MIB1: variants seen among roughly 807,000 people sequenced by gnomAD.
MIB1 encodes the protein MIB E3 ubiquitin protein ligase 1.
Under a neutral mutation model 124.5 loss-of-function variants are expected in MIB1, and 278 were observed. The observed-to-expected ratio is 2.23, with a 90% CI of 2.02 to 2.47. MIB1 has a LOEUF of 2.47. Ranked by LOEUF, MIB1 falls within the 30% of genes most tolerant of loss-of-function variation. The pLI is 0.00. For missense variants in MIB1, 957 were observed against 1,254.4 expected, an observed-to-expected ratio of 0.76 and a Z score of 3.58; for synonymous variants, 446 against 429.4, an observed-to-expected ratio of 1.04 and a Z score of -0.48.
At chr18:21,758,437 A>C (rs932847983) in intron 1 of MIB1, among the ~76,000 whole-genome samples, 14 of 152,208 alleles carry the variant, frequency 9.2e-5, no homozygotes, top group South Asian at 8.3e-4. Context: ...ATTTGCGGTT[A>C]AAGTTGAATG....
chr18:21,732,220 A>G (rs1041633036), intron 1 of MIB1, among the ~76,000 whole-genome samples: 3 of 151,642 alleles, frequency 2.0e-5, no homozygotes, highest in Admixed American at 2.0e-4. Context: ...CCCAGCTACT[A>G]GGGAGGCTGA....
At chr18:21,762,050 A>G (rs1013236106) in intron 1 of MIB1, among the ~76,000 whole-genome samples, 9 of 152,158 alleles carry the variant, frequency 5.9e-5, no homozygotes, top group Admixed American at 2.0e-4. Flanking sequence ...TAAGTGTGTT[A>G]TTAATTTTAT....
intron 8 of MIB1, 93 bp downstream of exon 8, chr18:21,798,321 A>G (rs1229149196): frequency 3.2e-6 from 4 of 1,257,284 alleles, no homozygotes; most frequent in Non-Finnish European, 3.4e-6. Context: ...AATGTTGTAC[A>G]TGTGCTTGGC....
intron 1 of MIB1, among the ~76,000 whole-genome samples, chr18:21,747,519 C>T (rs138714966): frequency 2.6e-5 from 4 of 152,274 alleles, no homozygotes; most frequent in East Asian, 1.9e-4. Context: ...AGATGCCCTG[C>T]GTTTCTGTTT....
At chr18:21,725,381 G>A (rs1177618557) in intron 1 of MIB1, among the ~76,000 whole-genome samples, 1 of 152,158 alleles carries the variant, frequency 6.6e-6, no homozygotes, top group Non-Finnish European at 1.5e-5. Flanking sequence ...GAAGAAGCAA[G>A]TTGAATTATT....
intron 10 of MIB1, among the ~76,000 whole-genome samples, chr18:21,806,408 C>G (rs1040185887): frequency 1.3e-5 from 2 of 151,936 alleles, no homozygotes; most frequent in African/African-American, 2.4e-5. Context: ...CACTATGTTG[C>G]CCAGTTTGGT....
intron 7 of MIB1, among the ~76,000 whole-genome samples, chr18:21,795,486 A>G (rs2041568375): frequency 6.7e-6 from 1 of 150,140 alleles, no homozygotes; most frequent in Non-Finnish European, 1.5e-5. Context: ...TGAAGTTACA[A>G]ATAAGCGTTA....
chr18:21,707,095 A>T (rs1468211716), intron 1 of MIB1, among the ~76,000 whole-genome samples: 2 of 152,208 alleles, frequency 1.3e-5, no homozygotes, highest in Non-Finnish European at 2.9e-5. Flanking sequence ...CTCTGTATCT[A>T]GCTAATCTGG....
At chr18:21,819,221 T>C (rs1187478928) in intron 11 of MIB1, among the ~76,000 whole-genome samples, 1 of 152,130 alleles carries the variant, frequency 6.6e-6, no homozygotes, top group African/African-American at 2.4e-5. Context: ...AAATTTTTTG[T>C]AGGGACAAGG....
intron 10 of MIB1, among the ~76,000 whole-genome samples, chr18:21,811,349 C>G (rs1350421778): frequency 6.6e-6 from 1 of 152,072 alleles, no homozygotes; most frequent in Non-Finnish European, 1.5e-5. Context: ...CAATATGATC[C>G]AACAGTTCTG....
intron 6 of MIB1, among the ~76,000 whole-genome samples, 176 bp downstream of exon 6, chr18:21,779,861 C>T (rs1038020957): frequency 6.7e-6 from 1 of 148,498 alleles, no homozygotes; most frequent in African/African-American, 2.5e-5. Context: ...ATAAGAATTA[C>T]GTGTGTGTGT....
chr18:21,806,934 T>C (rs1369596879), intron 10 of MIB1, among the ~76,000 whole-genome samples: 2 of 152,198 alleles, frequency 1.3e-5, no homozygotes, highest in Non-Finnish European at 2.9e-5. Flanking sequence ...TAATGTATTT[T>C]TAAGTTTGCA....
At chr18:21,825,772 T>TTGCTAG (rs2041919370) in intron 12 of MIB1, 1 of 522,836 alleles carries the variant, frequency 1.9e-6, no homozygotes, top group Admixed American at 2.0e-5. Context: ...TTACCAGCTC[T>TTGCTAG]AGCAAAGCAT....
At chr18:21,797,252 T>C (rs2041593458) in intron 7 of MIB1, among the ~76,000 whole-genome samples, 1 of 152,112 alleles carries the variant, frequency 6.6e-6, no homozygotes, top group South Asian at 2.1e-4. Flanking sequence ...AGATTAGCCA[T>C]GAGCTGATAA....
At chr18:21,757,451 CAAAAAAA>C (rs1202189616) in intron 1 of MIB1, among the ~76,000 whole-genome samples, 9 of 13,282 alleles carry the variant, frequency 6.8e-4, no homozygotes, top group African/African-American at 2.0e-3. Context: ...GACTCTGTCT[CAAAAAAA>C]AAAAAAAAAA....
At chr18:21,758,544 T>C (rs1380880882) in intron 1 of MIB1, among the ~76,000 whole-genome samples, 1 of 152,148 alleles carries the variant, frequency 6.6e-6, no homozygotes, top group African/African-American at 2.4e-5. Flanking sequence ...TGTAAATTTT[T>C]TTTTTTTTGA....
chr18:21,730,054 T>G (rs2040761271), intron 1 of MIB1, among the ~76,000 whole-genome samples: 1 of 152,260 alleles, frequency 6.6e-6, no homozygotes, highest in African/African-American at 2.4e-5. Context: ...ACTAGCCATC[T>G]ATGCCAGCGT....
chr18:21,744,982 A>G (rs2040896236), intron 1 of MIB1, among the ~76,000 whole-genome samples: 1 of 152,238 alleles, frequency 6.6e-6, no homozygotes. Flanking sequence ...TTTAAAAGTC[A>G]CTGCCCTGGA....
chr18:21,820,773 C>T (rs1191085901), intron 12 of MIB1, among the ~76,000 whole-genome samples: 1 of 152,158 alleles, frequency 6.6e-6, no homozygotes, highest in African/African-American at 2.4e-5. Flanking sequence ...GTGTTAATAT[C>T]CTCATTTTAC....
Sources: allele counts gnomAD v4.1 joint callset (sites outside exome capture counted in the v4.1 genomes callset), GRCh38; gene constraint gnomAD v4.1.1; transcripts MANE v1.5; gene names NCBI Gene and HGNC (gene_info 2026-07-23, HGNC 2026-07-21).